Variants in WDR20 observed in about 807,000 individuals in gnomAD.
The protein encoded by WDR20 is WD repeat-containing protein 20.
A neutral mutation model predicts 38.7 loss-of-function variants in WDR20; 3 were observed. The ratio of observed to expected loss-of-function variants is 0.08; its 90% confidence interval spans 0.04 to 0.20. The LOEUF (loss-of-function observed/expected upper bound fraction) is 0.20. WDR20 is among the 10% of genes least tolerant of loss of function. The pLI is 1.00. For missense variants in WDR20, 559 were observed against 727.7 expected (o/e 0.77, Z 2.67); for synonymous variants, 298 against 285.6 (o/e 1.04, Z -0.44).
At position 102,208,346 on chromosome 14, in the gene WDR20, C is replaced by A. The variant is rs1567060472; in HGVS notation, c.433-257C>A. Reference sequence around the variant, plus strand: ...TGGCATCGTGTCTGGCACTTAGTGGCCCCTCTGCAAATATCTGTTGGCTGC... The same window carrying A: ...TGGCATCGTGTCTGGCACTTAGTGGACCCTCTGCAAATATCTGTTGGCTGC... On this transcript the variant is annotated intron_variant, in intron 2 of 2. Transcript: ENST00000342702. The surrounding 1 kb of genome is among the most constrained non-coding windows in gnomAD (Gnocchi z 5.6). Among the ~76,000 whole-genome samples, 1 of 152,238 alleles carries A rather than the reference C, an allele frequency of 6.6e-6. No homozygotes were observed. Among genetic ancestry groups the A allele is most frequent in the Non-Finnish European group, 1.5e-5 (1 of 68,036 alleles).
At chr14:102,149,056 G>A (rs1049907703) in intron 1 of WDR20, among the ~76,000 whole-genome samples, 1 of 152,070 alleles carries the variant, frequency 6.6e-6, no homozygotes, top group Non-Finnish European at 1.5e-5. Context: ...GCAGCTACTC[G>A]GAAGGCTGAG....
chr14:102,202,361 C>G (rs1225279282), intron 2 of WDR20, among the ~76,000 whole-genome samples: 1 of 150,188 alleles, frequency 6.7e-6, no homozygotes, highest in Non-Finnish European at 1.5e-5. Context: ...TGTCCTGTGC[C>G]CTGTATGGAG....
chr14:102,165,989 C>T (rs977625001), intron 1 of WDR20, among the ~76,000 whole-genome samples: 3 of 151,754 alleles, frequency 2.0e-5, no homozygotes, highest in Non-Finnish European at 4.4e-5. Context: ...GAGTTCTAAG[C>T]AAGTGATTTT....
At chr14:102,183,027 G>A (rs1596421873) in intron 1 of WDR20, among the ~76,000 whole-genome samples, 1 of 151,820 alleles carries the variant, frequency 6.6e-6, no homozygotes, top group East Asian at 1.9e-4. Context: ...TTGCGCTACT[G>A]CACTCCAGCC....
chr14:102,210,657 G>A, downstream of WDR20: 3 of 511,474 alleles, frequency 5.9e-6, no homozygotes, highest in South Asian at 1.7e-4. Flanking sequence ...TGCCACATAA[G>A]CGAAGACCTT....
intron 1 of WDR20, chr14:102,171,498 T>C (rs1162137737): frequency 6.6e-6 from 1 of 151,832 alleles, no homozygotes; most frequent in Non-Finnish European, 1.5e-5. Flanking sequence ...TTTATTCTGG[T>C]ATAAATTGTG....
chr14:102,202,623 G>GC (rs1305513623), intron 2 of WDR20, among the ~76,000 whole-genome samples: 1 of 151,860 alleles, frequency 6.6e-6, no homozygotes, highest in Non-Finnish European at 1.5e-5. Flanking sequence ...CTCGTGATCC[G>GC]CCCGCCTTGG....
chr14:102,224,813 A>T (rs114911398), downstream of WDR20: 1 of 455,960 alleles, frequency 2.2e-6, no homozygotes, highest in East Asian at 6.9e-5. Context: ...AGAAATAATA[A>T]AAGACACTAA....
At chr14:102,200,308 A>G (rs956163163) in intron 2 of WDR20, among the ~76,000 whole-genome samples, 3 of 152,124 alleles carry the variant, frequency 2.0e-5, no homozygotes, top group Non-Finnish European at 4.4e-5. Context: ...GCCATTATTG[A>G]AAGTATCTTG....
downstream of WDR20, chr14:102,224,577 T>C (rs1440626439): frequency 4.4e-6 from 2 of 455,966 alleles, no homozygotes; most frequent in South Asian, 1.5e-5. Context: ...TCACATTAAA[T>C]TGGGGGCATG....
At chr14:102,188,300 A>G (rs1566968835) in intron 1 of WDR20, among the ~76,000 whole-genome samples, 1 of 152,116 alleles carries the variant, frequency 6.6e-6, no homozygotes. Flanking sequence ...ACTGAGGCCC[A>G]CTAAGTTGGT....
intron 1 of WDR20, among the ~76,000 whole-genome samples, chr14:102,184,746 G>A (rs940865525): frequency 6.6e-6 from 1 of 152,158 alleles, no homozygotes; most frequent in Non-Finnish European, 1.5e-5. Context: ...TGTTCCACAC[G>A]TCTTACATCT....
chr14:102,210,568 T>TA, downstream of WDR20: 1 of 984,914 alleles, frequency 1.0e-6, no homozygotes, highest in Non-Finnish European at 1.2e-6. Flanking sequence ...TGTACTAAGA[T>TA]ACCCGTACCT....
intron 2 of WDR20, among the ~76,000 whole-genome samples, chr14:102,204,130 G>C (rs1194222825): frequency 6.6e-6 from 1 of 152,142 alleles, no homozygotes; most frequent in African/African-American, 2.4e-5. Flanking sequence ...GCCAGGTGAT[G>C]TGTGTCTGTG....
At chr14:102,203,716 C>T (rs779533400) in intron 2 of WDR20, among the ~76,000 whole-genome samples, 3 of 152,076 alleles carry the variant, frequency 2.0e-5, no homozygotes, top group African/African-American at 2.4e-5. Context: ...TCAGAGGGAC[C>T]GGGTATTTTT....
chr14:102,206,449 T>C (rs192676545), intron 2 of WDR20, among the ~76,000 whole-genome samples: 4 of 152,352 alleles, frequency 2.6e-5, no homozygotes, highest in Non-Finnish European at 5.9e-5. Flanking sequence ...ATGCAGTTTT[T>C]TGTTGTGTTT....
chr14:102,144,069 A>C (rs544464231), intron 1 of WDR20, among the ~76,000 whole-genome samples: 3 of 152,002 alleles, frequency 2.0e-5, no homozygotes, highest in Non-Finnish European at 4.4e-5. Context: ...CTGTAGTCAC[A>C]GCTACTTGGG....
chr14:102,204,021 T>G (rs190428750), intron 2 of WDR20, among the ~76,000 whole-genome samples: 66 of 152,320 alleles, frequency 4.3e-4, no homozygotes, highest in African/African-American at 1.5e-3. Context: ...GTCATGTAAG[T>G]TAAATGACTG....
At chr14:102,172,729 C>T (rs1288416851) in intron 1 of WDR20, among the ~76,000 whole-genome samples, 11 of 149,924 alleles carry the variant, frequency 7.3e-5, no homozygotes, top group Non-Finnish European at 1.6e-4. Flanking sequence ...CACCTCCCTC[C>T]CGGACGGGGC....
Sources: allele counts gnomAD v4.1 joint callset (sites outside exome capture counted in the v4.1 genomes callset), GRCh38; gene constraint gnomAD v4.1.1; non-coding constraint Gnocchi (gnomAD v3.1); transcripts MANE v1.5; gene names NCBI Gene and HGNC (gene_info 2026-07-23, HGNC 2026-07-21).